ARHGEF26: variants seen among roughly 807,000 people sequenced by gnomAD.
ARHGEF26 encodes Rho guanine nucleotide exchange factor (GEF) 26.
Under a neutral mutation model 89.4 loss-of-function variants are expected in ARHGEF26, and 59 were observed. The observed-to-expected ratio is 0.66, with a 90% confidence interval of 0.54 to 0.82. The LOEUF (loss-of-function observed/expected upper bound fraction) is 0.82, where lower values mean the gene tolerates loss of function less well. Among genes scored for constraint, ARHGEF26 ranks in the 40% least tolerant of loss-of-function variants. The pLI is 0.00. For synonymous variants in ARHGEF26, 500 were observed against 428.4 expected, an observed-to-expected ratio of 1.17 and a Z score of -2.06; for missense variants, 1,234 against 1,085.6, an observed-to-expected ratio of 1.14 and a Z score of -1.92.
chr3:154,208,477 A>G (rs756519032), intron 9 of ARHGEF26, among the ~76,000 whole-genome samples: 1 of 152,032 alleles, frequency 6.6e-6, no homozygotes, highest in Non-Finnish European at 1.5e-5. Flanking sequence ...GGATACTTAT[A>G]TCTTTCTCTA....
intron 9 of ARHGEF26, among the ~76,000 whole-genome samples, chr3:154,203,870 C>G (rs1270648030): frequency 6.8e-6 from 1 of 147,566 alleles, no homozygotes; most frequent in Non-Finnish European, 1.5e-5. Flanking sequence ...TTTTGATAAT[C>G]TTTCTAATGT....
intron 9 of ARHGEF26, among the ~76,000 whole-genome samples, chr3:154,211,692 G>A (rs1312462972): frequency 1.3e-5 from 2 of 152,192 alleles, no homozygotes; most frequent in Non-Finnish European, 2.9e-5. Context: ...GAGGGTAGTG[G>A]GGAGGATGAT....
chr3:154,121,906 C>T (rs1717949397), intron 1 of ARHGEF26, 36 bp from the exon 2 acceptor site: 1 of 1,492,214 alleles, frequency 6.7e-7, no homozygotes, highest in Non-Finnish European at 8.9e-7. Context: ...CCCCGGTTGT[C>T]CAGAGGCACA....
intron 9 of ARHGEF26, among the ~76,000 whole-genome samples, chr3:154,210,500 A>G (rs1401521277): frequency 6.6e-6 from 1 of 151,628 alleles, no homozygotes; most frequent in Non-Finnish European, 1.5e-5. Context: ...TTTTTAGTAG[A>G]GACGGGGTTT....
In ARHGEF26 at chr3:154,152,852, A is replaced by G; in HGVS notation, c.1407A>G (p.Lys469=). 1 of 1,589,030 alleles carries G rather than the reference A, an allele frequency of 6.3e-7. No homozygotes were observed. Among genetic ancestry groups the G allele is most frequent in the South Asian group, 1.2e-5 (1 of 86,360 alleles). Residue 469 remains lysine (K), a synonymous_variant, in exon 6 of 15, where the codon AAA becomes AAG. Transcript: ENST00000465093. ...EILIRMFKNS[K]ELSDTMTKTE... is the part of the protein sequence containing the mutation. ...TGATACGAATGTTTAAAAATTCTAA[A>G]GAACTGAGTGATACAATGACTAAAA... is the stretch of plus-strand genomic sequence containing the variant.
At chr3:154,152,720 T>C in intron 5 of ARHGEF26, 52 bp from the exon 6 acceptor site, 1 of 1,326,956 alleles carries the variant, frequency 7.5e-7, no homozygotes, top group South Asian at 2.0e-5. Flanking sequence ...GAGCTATATT[T>C]AGTTCTTTAA....
intron 14 of ARHGEF26, 139 bp downstream of exon 14, chr3:154,254,963 TTCTCA>T: frequency 1.4e-6 from 1 of 726,920 alleles, no homozygotes; most frequent in Admixed American, 2.6e-5. Context: ...ATGTACTGTC[TTCTCA>T]TCTCTAAGGC....
At chr3:154,156,066 GTTATT>G (rs1166222841) in intron 6 of ARHGEF26, among the ~76,000 whole-genome samples, 1 of 151,914 alleles carries the variant, frequency 6.6e-6, no homozygotes, top group Non-Finnish European at 1.5e-5. Flanking sequence ...AGAATTATGA[GTTATT>G]TTAATTTCTG....
At chr3:154,143,227 T>C (rs562421660) in intron 4 of ARHGEF26, among the ~76,000 whole-genome samples, 1 of 152,364 alleles carries the variant, frequency 6.6e-6, no homozygotes, top group African/African-American at 2.4e-5. Flanking sequence ...TCAATCACTA[T>C]TAACATTTTT....
intron 9 of ARHGEF26, among the ~76,000 whole-genome samples, chr3:154,209,494 G>C (rs1348520376): frequency 6.6e-6 from 1 of 152,192 alleles, no homozygotes; most frequent in Non-Finnish European, 1.5e-5. Context: ...GTAACGCTGT[G>C]GTTCTTGCAG....
At position 154,168,524 on chromosome 3, in the gene ARHGEF26, C is replaced by G. The variant is rs559206668; in HGVS notation, c.1487+15592C>G. Among the ~76,000 whole-genome samples, 24 of 152,244 alleles carry G rather than the reference C, an allele frequency of 1.6e-4. No individual in the cohort carries two copies. In the South Asian group the frequency reaches 4.4e-3, roughly 28 times the overall value. On this transcript the variant is annotated intron_variant, in intron 6 of 14. Transcript: ENST00000465093. Reference sequence around the variant, plus strand: ...CCCAGGAGGCAGAAGTTGCAGTGAACCGAGATCACTCCACTGCACTCCATC... The same window carrying G: ...CCCAGGAGGCAGAAGTTGCAGTGAAGCGAGATCACTCCACTGCACTCCATC...
chr3:154,210,630 C>T (rs543361413), intron 9 of ARHGEF26, among the ~76,000 whole-genome samples: 7 of 151,576 alleles, frequency 4.6e-5, no homozygotes, highest in East Asian at 2.0e-4. Context: ...TTGCATTTGG[C>T]GCCAGGGTAT....
chr3:154,257,190 C>T lies in ARHGEF26; in HGVS notation c.*1717C>T. 9.0e-6 allele frequency: 4 copies of T among 442,130 alleles called. No homozygotes were observed. In the South Asian group the frequency reaches 1.8e-4, roughly 20 times the overall value. The allele number at this position is 442,130 out of a possible 1,614,324, so 27.4% of individuals were successfully genotyped here. A position where few individuals can be genotyped will look rare whatever the true frequency, so the allele number is the denominator to read the frequency against. ...GTGTGGGGCACTGGGGACTTCTAAC[C>T]CTTGGATTGCTCTTTTTGACCTGTG... On this transcript the variant is annotated 3_prime_UTR_variant, in exon 15 of 15. Coordinates refer to ENST00000465093, the MANE Select transcript of ARHGEF26 (RefSeq NM_015595.4).
intron 3 of ARHGEF26, 75 bp downstream of exon 3, chr3:154,124,524 A>G: frequency 1.5e-6 from 2 of 1,297,790 alleles, no homozygotes; most frequent in Non-Finnish European, 1.1e-6. Flanking sequence ...ATCCAACTGC[A>G]GTAACAAAAA....
At chr3:154,140,807 C>G (rs952181172) in intron 4 of ARHGEF26, among the ~76,000 whole-genome samples, 5 of 152,108 alleles carry the variant, frequency 3.3e-5, no homozygotes, top group Admixed American at 2.0e-4. Context: ...TCTCGAACTG[C>G]TAAGCTCAGG....
At chr3:154,241,042 C>T (rs1030800172) in intron 12 of ARHGEF26, among the ~76,000 whole-genome samples, 7 of 152,140 alleles carry the variant, frequency 4.6e-5, no homozygotes, top group African/African-American at 9.7e-5. Context: ...ACCCAGTTTA[C>T]GGAAATATAC....
rs995926722 is a variant in ARHGEF26 at position 154,169,372 on chromosome 3, C to CA, written c.1487+16451dup. ...ATTCACAGTCATGCAAGCAGAGCAG[C>CA]AAAAAAAAAAATGTGTTTCCTGACA... On this transcript the variant is annotated intron_variant, in intron 6 of 14. Coordinates refer to ENST00000465093, the MANE Select transcript of ARHGEF26 (RefSeq NM_015595.4). 3.9e-3 allele frequency among the ~76,000 whole-genome samples: 561 copies of CA among 145,630 alleles called. 7 individuals carry two copies. The highest frequency in any genetic ancestry group is 7.4e-3 in the African/African-American group (295 of 39,910).
chr3:154,203,254 A>G (rs1714772663), intron 9 of ARHGEF26, among the ~76,000 whole-genome samples: 1 of 152,146 alleles, frequency 6.6e-6, no homozygotes. Context: ...CTGTTGAGAA[A>G]TCATATGGTT....
intron 9 of ARHGEF26, among the ~76,000 whole-genome samples, chr3:154,201,020 C>CT (rs1348151035): frequency 3.3e-5 from 5 of 151,120 alleles, no homozygotes; most frequent in African/African-American, 4.9e-5. Context: ...TTTTATTATA[C>CT]TTTAAGTTTT....
Sources: gnomAD v4.1 joint callset for allele counts (sites outside exome capture counted in the v4.1 genomes callset) on GRCh38, gnomAD v4.1.1 for gene constraint, MANE v1.5 for transcripts, NCBI Gene and HGNC (gene_info 2026-07-23, HGNC 2026-07-21) for gene names.